KRT37: variants seen among roughly 807,000 people sequenced by gnomAD.
KRT37 encodes keratin, type I cuticular Ha7.
A neutral mutation model predicts 41.9 loss-of-function variants in KRT37; 38 were observed. The ratio of observed to expected loss-of-function variants is 0.91; its 90% confidence interval spans 0.70 to 1.19. The LOEUF is 1.19. Among genes scored for constraint, KRT37 ranks in the 50% most tolerant of loss-of-function variants. The pLI is 0.00. For missense variants in KRT37, 580 were observed against 575.5 expected (o/e 1.01, Z -0.08); for synonymous variants, 252 against 243.4 (o/e 1.04, Z -0.33).
Position 41,421,607 on chromosome 17 carries a change from G to A in KRT37, c.1021-20C>T, listed in dbSNP as rs1597719695. ...GTCCTTCTGTAATGGGAAATAATGGGGTAAGAGATCCAGGTGCCCCAAAAC... is the reference window on the plus strand; with the variant it reads ...GTCCTTCTGTAATGGGAAATAATGGAGTAAGAGATCCAGGTGCCCCAAAAC... On this transcript the variant is annotated intron_variant, in intron 5 of 6. Coordinates refer to ENST00000225550, the MANE Select transcript of KRT37 (RefSeq NM_003770.5). 1 of 1,608,708 alleles carries A rather than the reference G, an allele frequency of 6.2e-7. No homozygotes were observed. The highest frequency in any genetic ancestry group is 8.5e-7 in the Non-Finnish European group (1 of 1,175,430).
At position 41,423,814 on chromosome 17, in the gene KRT37, G is replaced by C; in HGVS notation, c.523C>G (p.Leu175Val). Residue 175 changes from leucine to valine, a missense_variant, in exon 2 of 7, where the codon CTG becomes GTG. Coordinates refer to ENST00000225550, the MANE Select transcript of KRT37 (RefSeq NM_003770.5). The stretch of plus-strand genomic sequence containing the variant: ...TTCGCGTTGTCAATTTGTACAATCA[G>C]CCTGGCATTCTCAGCCTTGCTGCAC... ...ILCSKAENAR[L>V]IVQIDNAKLA... 2.5e-6 allele frequency: 4 copies of C among 1,614,234 alleles called. No homozygotes were observed. The highest frequency in any genetic ancestry group is 3.4e-6 in the Non-Finnish European group (4 of 1,180,040).
At position 41,423,801 on chromosome 17, in the gene KRT37, A is replaced by G. The variant is rs201820586; in HGVS notation, c.536T>C (p.Ile179Thr). 6.8e-6 allele frequency: 11 copies of G among 1,614,210 alleles called. No homozygotes were observed. The African/African-American group carries it at 8.0e-5, about 12-fold the overall frequency. ...ATCAGCAGCCAGCTTCGCGTTGTCAATTTGTACAATCAGCCTGGCATTCTC... is the reference window on the plus strand; with the variant it reads ...ATCAGCAGCCAGCTTCGCGTTGTCAGTTTGTACAATCAGCCTGGCATTCTC... Reference protein sequence around the residue: ...KAENARLIVQIDNAKLAADDF... With the variant: ...KAENARLIVQTDNAKLAADDF... The change falls in exon 2 of 7, where the codon ATT (isoleucine) becomes ACT (threonine). Residue 179 changes from isoleucine to threonine, a missense_variant. Ile to Thr is a moderately conservative substitution (Grantham distance 89, BLOSUM62 -1). Transcript: ENST00000225550.
At chr17:41,423,216 C>G (rs1014380172) in intron 2 of KRT37, 5 of 388,532 alleles carry the variant, frequency 1.3e-5, no homozygotes, top group African/African-American at 6.2e-5. Context: ...TCAAATGCAG[C>G]ATTTATTCTG....
Position 41,424,582 on chromosome 17 carries a change from G to T in KRT37, c.-59C>A. 2 of 1,516,706 alleles carry T rather than the reference G, an allele frequency of 1.3e-6. No individual in the cohort carries two copies. Among genetic ancestry groups the T allele is most frequent in the Admixed American group, 2.2e-5 (1 of 46,116 alleles). 94.0% of individuals were successfully genotyped at this position (1,516,706 alleles called of 1,614,324 possible). On this transcript the variant is annotated 5_prime_UTR_variant, in exon 1 of 7. Transcript: ENST00000225550. Reference sequence around the variant, plus strand: ...TCAGCTGGGAAGGCTGAGCCACTGAGACTGAAGCCTCCTCTCCTCCCAACC... The same window carrying T: ...TCAGCTGGGAAGGCTGAGCCACTGATACTGAAGCCTCCTCTCCTCCCAACC...
intron 2 of KRT37, chr17:41,423,530 A>G (rs895842674): frequency 2.4e-5 from 12 of 494,856 alleles, no homozygotes; most frequent in Non-Finnish European, 3.9e-5. Flanking sequence ...AGAAAGTGAC[A>G]TAGGTTCTAA....
chr17:41,421,739 T>G (rs1264841265), intron 5 of KRT37, 152 bp from the exon 6 acceptor site: 1 of 785,494 alleles, frequency 1.3e-6, no homozygotes, highest in African/African-American at 1.7e-5. Context: ...TGACCATGAC[T>G]TCTCTCTCAT....
In KRT37 at chr17:41,424,266, G is replaced by A. The variant is rs199528879; in HGVS notation, c.258C>T (p.Pro86=). The stretch of plus-strand genomic sequence containing the variant: ...AGGCCCCACAGATTCCGATGTTGCC[G>A]GGAATGTGACAGGTCCCTGGCAAGG... The part of the protein sequence containing the change: ...ACPLPGTCHI[P]GNIGICGAYG... The change falls in exon 1 of 7, where the codon CCC becomes CCT. Residue 86 remains proline, a synonymous_variant. Transcript: ENST00000225550. 126 of 1,614,074 alleles carry A rather than the reference G, an allele frequency of 7.8e-5. 3 individuals carry two copies. The highest frequency in any genetic ancestry group is 6.1e-4 in the South Asian group (56 of 91,088).
intron 3 of KRT37, 75 bp from the exon 4 acceptor site, chr17:41,422,509 T>G: frequency 6.4e-7 from 1 of 1,566,088 alleles, no homozygotes; most frequent in South Asian, 1.2e-5. Context: ...CAGGACTCCG[T>G]CCCTGGCAAG....
chr17:41,421,782 T>G (rs887904724), intron 5 of KRT37, among the ~76,000 whole-genome samples, 195 bp from the exon 6 acceptor site: 1 of 152,246 alleles, frequency 6.6e-6, no homozygotes, highest in Non-Finnish European at 1.5e-5. Flanking sequence ...ACTGTCATGT[T>G]CATCCCTGTA....
In KRT37 at chr17:41,422,351, C is replaced by T; in HGVS notation, c.816G>A (p.Val272=). The T allele has an allele frequency of 6.2e-7, 1 of 1,614,244 alleles. No homozygotes were observed. The highest frequency in any genetic ancestry group is 8.5e-7 in the Non-Finnish European group (1 of 1,180,036). The change falls in exon 4 of 7, where the codon GTG becomes GTA. Residue 272 remains valine, a synonymous_variant. Transcript: ENST00000225550. ...CGTACTGAGCCCGCATCTCCCCCAACACCCTGTTCAGGTCAATGGTGGGCT... is the reference window on the plus strand; with the variant it reads ...CGTACTGAGCCCGCATCTCCCCCAATACCCTGTTCAGGTCAATGGTGGGCT... ...DIEPTIDLNR[V]LGEMRAQYEA... is the part of the protein sequence containing the mutation.
At position 41,424,240 on chromosome 17, in the gene KRT37, T is replaced by C. The variant is rs2018583700; in HGVS notation, c.284A>G (p.Tyr95Cys). ...IPGNIGICGA[Y>C]GKNTLNGHEK... ...ATGGCCATTCAGGGTGTTTTTGCCG[T>C]AGGCCCCACAGATTCCGATGTTGCC... Residue 95 changes from tyrosine (Y) to cysteine (C), a missense_variant, in exon 1 of 7, where the codon TAC (tyrosine) becomes TGC (cysteine). Tyr to Cys is a radical substitution (Grantham distance 194). Transcript: ENST00000225550. The C allele has an allele frequency of 6.2e-7, 1 of 1,614,106 alleles. No homozygotes were observed. Among genetic ancestry groups the C allele is most frequent in the Non-Finnish European group, 8.5e-7 (1 of 1,180,058 alleles).
rs768388145 is a variant in KRT37 at position 41,422,904 on chromosome 17, C to T, written c.606G>A (p.Leu202=). 11 of 1,613,950 alleles carry T rather than the reference C, an allele frequency of 6.8e-6. No individual in the cohort carries two copies. Among genetic ancestry groups the T allele is most frequent in the African/African-American group, 2.7e-5 (2 of 74,944 alleles). The change falls in exon 3 of 7, where the codon CTG becomes CTA. Residue 202 remains leucine, a synonymous_variant. Transcript: ENST00000225550. ...GCGTCCCGCACTTGTCCGCCTCCAC[C>T]AGCTGGTGAAGGGAGCGCTCACTCT... ...KLESERSLHQ[L]VEADKCGTQK... is the part of the protein sequence containing the mutation.
chr17:41,423,943 C>A, intron 1 of KRT37, 89 bp downstream of exon 1: 1 of 1,604,176 alleles, frequency 6.2e-7, no homozygotes, highest in Non-Finnish European at 8.5e-7. Flanking sequence ...AAACCAAGAA[C>A]CCAAAGCTCT....
chr17:41,423,022 G>T, intron 2 of KRT37, 88 bp from the exon 3 acceptor site: 1 of 1,493,794 alleles, frequency 6.7e-7, no homozygotes. Context: ...CACCACCTTG[G>T]ATCCTTATTT....
In KRT37 at chr17:41,422,262, CCCCCACTCA is replaced by C; in HGVS notation, c.894+2_894+10del. 6.2e-7 allele frequency: 1 copy of C among 1,613,818 alleles called. No individual in the cohort carries two copies. The highest frequency in any genetic ancestry group is 8.5e-7 in the Non-Finnish European group (1 of 1,179,780). ...GGCCAGGTACTCCCTGGCTCTGTAA[CCCCCACTCA>C]CCTGGGCTTGGAACCACTGTTCCAC... On this transcript the variant is annotated splice_donor_variant and splice_donor_5th_base_variant and intron_variant, in intron 4 of 6. Coordinates refer to ENST00000225550, the MANE Select transcript of KRT37 (RefSeq NM_003770.5). LOFTEE classifies it high-confidence loss of function.
In KRT37 at chr17:41,422,823, C is replaced by A. The variant is rs748614726; in HGVS notation, c.687G>T (p.Glu229Asp). 6.2e-7 allele frequency: 1 copy of A among 1,613,954 alleles called. No individual in the cohort carries two copies. The highest frequency in any genetic ancestry group is 1.7e-5 in the Admixed American group (1 of 60,020). Residue 229 changes from glutamate to aspartate, a missense_variant, in exon 3 of 7, where the codon GAG becomes GAT. By Grantham distance (45) the Glu-to-Asp change is conservative. Coordinates refer to ENST00000225550, the MANE Select transcript of KRT37 (RefSeq NM_003770.5). ...LAKADLEAQQ[E>D]SLKEEQLSLK... ...GGGAGAGCTGCTCCTCCTTCAGGGA[C>A]TCCTGCTGGGCCTCCAGGTCGGCCT...
At position 41,422,807 on chromosome 17, in the gene KRT37, G is replaced by A. The variant is rs78158550; in HGVS notation, c.703C>T (p.Gln235Ter). 214,029 of 1,504,856 alleles carry A rather than the reference G, an allele frequency of 0.14. 23,536 individuals carry two copies. The highest frequency in any genetic ancestry group is 0.29 in the East Asian group (12,631 of 43,194). 93.2% of individuals were successfully genotyped at this position (1,504,856 alleles called of 1,614,324 possible). A position where few individuals can be genotyped will look rare whatever the true frequency, so the allele number is the denominator to read the frequency against. ...TCGTGGTTGCTCTTGAGGGAGAGCT[G>A]CTCCTCCTTCAGGGACTCCTGCTGG... is the stretch of plus-strand genomic sequence containing the variant. ...EAQQESLKEE[Q>*]LSLKSNHEQE... The change falls in exon 3 of 7, where the codon CAG becomes TAG. Residue 235 changes from glutamine to a stop codon, truncating the protein, a stop_gained. Transcript: ENST00000225550. LOFTEE classifies it high-confidence loss of function.
rs2018551946 is a variant in KRT37 at position 41,422,320 on chromosome 17, T to A, written c.847A>T (p.Met283Leu). 14 of 1,614,202 alleles carry A rather than the reference T, an allele frequency of 8.7e-6. No homozygotes were observed. The highest frequency in any genetic ancestry group is 1.2e-5 in the Non-Finnish European group (14 of 1,180,028). Reference protein sequence around the residue: ...LGEMRAQYEAMVETNHQDVEQ... With the variant: ...LGEMRAQYEALVETNHQDVEQ... The stretch of plus-strand genomic sequence containing the variant: ...ACATCCTGGTGGTTGGTCTCCACCA[T>A]GGCCTCGTACTGAGCCCGCATCTCC... The change falls in exon 4 of 7, where the codon ATG (methionine) becomes TTG (leucine). Residue 283 changes from methionine to leucine, a missense_variant. Transcript: ENST00000225550.
chr17:41,424,165 T>C lies in KRT37; in HGVS notation c.359A>G (p.Glu120Gly), dbSNP rs1431901092. 1.9e-6 allele frequency: 3 copies of C among 1,614,128 alleles called. No individual in the cohort carries two copies. The highest frequency in any genetic ancestry group is 1.7e-5 in the Admixed American group (1 of 60,010). The change falls in exon 1 of 7, where the codon GAG becomes GGG. Residue 120 changes from glutamate to glycine, a missense_variant. Transcript: ENST00000225550. ...FLNDRLANYL[E>G]KVRQLEQENA... ...CTCCTGCTCCAGCTGGCGCACCTTC[T>C]CCAGGTAGTTGGCCAGGCGGTCATT... is the stretch of plus-strand genomic sequence containing the variant.
Sources: allele counts gnomAD v4.1 joint callset (sites outside exome capture counted in the v4.1 genomes callset), GRCh38; gene constraint gnomAD v4.1.1; transcripts MANE v1.5; gene names NCBI Gene and HGNC (gene_info 2026-07-23, HGNC 2026-07-21).